The following HEG1 variants were observed in gnomAD, a reference collection of about 807,000 sequenced individuals.
HEG1 encodes the protein heart development protein with EGF like domains 1, also known as protein HEG homolog 1.
HEG1 carries 56 observed loss-of-function variants against 125.6 expected under a neutral mutation model. That is an observed-to-expected ratio of 0.45 (90% CI 0.36 to 0.56). HEG1 has a LOEUF of 0.56. HEG1 is among the 20% of genes least tolerant of loss of function. The probability of loss-of-function intolerance (pLI) is 0.00; values close to 1 mark genes in which losing one functional copy is unlikely to be tolerated. For synonymous variants in HEG1, 644 were observed against 668.5 expected, an observed-to-expected ratio of 0.96 and a Z score of 0.57; for missense variants, 1,523 against 1,670.0, an observed-to-expected ratio of 0.91 and a Z score of 1.53.
chr3:124,983,069 C>G (rs958224159), intron 14 of HEG1, among the ~76,000 whole-genome samples: 1 of 152,188 alleles, frequency 6.6e-6, no homozygotes, highest in African/African-American at 2.4e-5. Flanking sequence ...TCCTCGCTAC[C>G]CCCAGCTGCT....
In HEG1 at chr3:125,014,958, G is replaced by A. The variant is rs756071540; in HGVS notation, c.1589-968C>T. The A allele has an allele frequency of 1.9e-4, 241 of 1,284,400 alleles. 1 individual carries two copies. Among genetic ancestry groups the A allele is most frequent in the Non-Finnish European group, 5.9e-5 (58 of 985,736 alleles). 79.6% of individuals were successfully genotyped at this position (1,284,400 alleles called of 1,614,324 possible). On this transcript the variant is annotated intron_variant, in intron 5 of 16. Transcript: ENST00000311127. ...GGGCACCCCAGAAGTCCTGTCCTCT[G>A]CATTGGCGGAACTGTCACCTAGTGC...
chr3:125,053,154 A>C (rs1937851427), intron 1 of HEG1, among the ~76,000 whole-genome samples: 1 of 152,222 alleles, frequency 6.6e-6, no homozygotes, highest in Non-Finnish European at 1.5e-5. Context: ...ACCATCTGTC[A>C]GGGGTGCTGG....
At chr3:124,986,189 GA>G (rs1436841651) in intron 14 of HEG1, among the ~76,000 whole-genome samples, 1 of 152,196 alleles carries the variant, frequency 6.6e-6, no homozygotes, top group East Asian at 1.9e-4. Context: ...AAATCTACTG[GA>G]GTTGGATGAT....
At chr3:125,052,020 A>G (rs1167098586) in intron 1 of HEG1, among the ~76,000 whole-genome samples, 3 of 152,182 alleles carry the variant, frequency 2.0e-5, no homozygotes, top group East Asian at 1.9e-4. Flanking sequence ...CTGGCAAAAC[A>G]TAACAGTTCA....
At chr3:125,015,610 G>A (rs998633263) in intron 5 of HEG1, among the ~76,000 whole-genome samples, 2 of 152,128 alleles carry the variant, frequency 1.3e-5, no homozygotes, top group Non-Finnish European at 2.9e-5. Context: ...GAGGGCAGAC[G>A]ACACATGAAT....
chr3:125,017,865 A>T (rs946686088), intron 5 of HEG1, among the ~76,000 whole-genome samples: 1 of 123,402 alleles, frequency 8.1e-6, no homozygotes, highest in East Asian at 2.4e-4. Flanking sequence ...CTGAAAATAT[A>T]AAAAAAAAAA....
At chr3:125,050,132 C>T (rs1039520125) in intron 1 of HEG1, among the ~76,000 whole-genome samples, 1 of 147,482 alleles carries the variant, frequency 6.8e-6, no homozygotes, top group South Asian at 2.3e-4. Flanking sequence ...GCCATTCATC[C>T]ACCAACTCTC....
intron 14 of HEG1, among the ~76,000 whole-genome samples, chr3:124,983,428 C>T (rs901376975): frequency 4.6e-5 from 7 of 151,996 alleles, no homozygotes; most frequent in African/African-American, 1.5e-4. Flanking sequence ...CCTCACCCCC[C>T]AGCTCAAGTG....
Position 125,055,537 on chromosome 3 carries a change from CAG to C in HEG1, c.316+36_316+37del, listed in dbSNP as rs1480819976. ...CCGGGGCGCGCCCACGCCCCCAGCACAGACTGGCCAGGCGCCAGGTTCCCGGC... is the reference window on the plus strand; with the variant it reads ...CCGGGGCGCGCCCACGCCCCCAGCACACTGGCCAGGCGCCAGGTTCCCGGC... On this transcript the variant is annotated intron_variant, in intron 1 of 16. Coordinates refer to ENST00000311127, the MANE Select transcript of HEG1 (RefSeq NM_020733.2). 2.5e-6 allele frequency: 3 copies of C among 1,179,332 alleles called. No individual in the cohort carries two copies. The African/African-American group carries it at 4.8e-5, about 19-fold the overall frequency. 73.1% of individuals were successfully genotyped at this position (1,179,332 alleles called of 1,614,324 possible). A position where few individuals can be genotyped will look rare whatever the true frequency, so the allele number is the denominator to read the frequency against.
chr3:125,029,829 T>C (rs1414348026), intron 1 of HEG1, among the ~76,000 whole-genome samples: 1 of 152,074 alleles, frequency 6.6e-6, no homozygotes, highest in Admixed American at 6.6e-5. Context: ...GAGGCAGAGG[T>C]TGCGGTGAGC....
In HEG1 at chr3:124,966,826, G is replaced by C. The variant is rs1366125061; in HGVS notation, c.*3826C>G. On this transcript the variant is annotated 3_prime_UTR_variant, in exon 17 of 17. Transcript: ENST00000311127. ...TACAGGACACCCGGGCATCTCACCA[G>C]GGGGCAACACAGTTTCATGCAGGCA... The C allele has an allele frequency of 2.0e-5, 3 of 152,246 alleles. No individual in the cohort carries two copies. The highest frequency in any genetic ancestry group is 7.2e-5 in the African/African-American group (3 of 41,458). The allele number at this position is 152,246 out of a possible 1,614,324, so 9.4% of individuals were successfully genotyped here.
chr3:124,970,984 T>C (rs1936413374), intron 16 of HEG1, 183 bp from the exon 17 acceptor site: 1 of 638,072 alleles, frequency 1.6e-6, no homozygotes, highest in African/African-American at 1.8e-5. Flanking sequence ...CAACCCACTT[T>C]AATCCTTCCT....
intron 5 of HEG1, 82 bp from the exon 6 acceptor site, chr3:125,014,072 G>T: frequency 8.0e-7 from 1 of 1,249,494 alleles, no homozygotes; most frequent in Non-Finnish European, 1.1e-6. Context: ...GACTTTCAGT[G>T]TCATGAAACT....
In HEG1 at chr3:125,009,826, T is replaced by A. The variant is rs1156840711; in HGVS notation, c.3074-2A>T. The A allele has an allele frequency of 1.2e-6, 2 of 1,609,346 alleles. No individual in the cohort carries two copies. Among genetic ancestry groups the A allele is most frequent in the Non-Finnish European group, 1.7e-6 (2 of 1,177,068 alleles). On this transcript the variant is annotated splice_acceptor_variant, in intron 7 of 16. Transcript: ENST00000311127. LOFTEE classifies it high-confidence loss of function. Reference sequence around the variant, plus strand: ...GGTTCGACAGGCACTCATTCACATCTGTAGAGGAGAAAAAAGAAGAACATC... The same window carrying A: ...GGTTCGACAGGCACTCATTCACATCAGTAGAGGAGAAAAAAGAAGAACATC...
rs76701903 is a variant in HEG1 at position 124,999,080 on chromosome 3, C to T, written c.3518-1257G>A. 7.3e-3 allele frequency among the ~76,000 whole-genome samples: 1,111 copies of T among 152,284 alleles called. 10 individuals are homozygous for T. Among genetic ancestry groups the T allele is most frequent in the Non-Finnish European group, 0.013 (879 of 68,028 alleles). ...CAGGTTTTGGTGACATGAGCTGCCACCCCACATGGGGTTCCTGAAATCTGC... is the reference window on the plus strand; with the variant it reads ...CAGGTTTTGGTGACATGAGCTGCCATCCCACATGGGGTTCCTGAAATCTGC... On this transcript the variant is annotated intron_variant, in intron 11 of 16. Transcript: ENST00000311127.
At chr3:125,014,981 T>C in intron 5 of HEG1, 6 of 1,265,868 alleles carry the variant, frequency 4.7e-6, no homozygotes, top group Non-Finnish European at 6.2e-6. Flanking sequence ...TGTCACCTAG[T>C]GCTTGGCCTG....
At chr3:124,991,760 C>T (rs567180436) in intron 12 of HEG1, among the ~76,000 whole-genome samples, 1 of 152,210 alleles carries the variant, frequency 6.6e-6, no homozygotes, top group East Asian at 1.9e-4. Context: ...TACAGGGGCC[C>T]GCCACAAAGC....
At chr3:125,049,570 G>A (rs922309468) in intron 1 of HEG1, among the ~76,000 whole-genome samples, 5 of 152,190 alleles carry the variant, frequency 3.3e-5, no homozygotes, top group East Asian at 1.9e-4. Flanking sequence ...TACACTGAAC[G>A]GCTGAAACTG....
At chr3:124,984,684 G>A (rs566806982) in intron 14 of HEG1, among the ~76,000 whole-genome samples, 29 of 152,120 alleles carry the variant, frequency 1.9e-4, no homozygotes, top group Admixed American at 1.8e-3. Context: ...CCTTGAACCC[G>A]GGAGGCAGAG....
Sources: gnomAD v4.1 joint callset for allele counts (sites outside exome capture counted in the v4.1 genomes callset) on GRCh38, gnomAD v4.1.1 for gene constraint, MANE v1.5 for transcripts, NCBI Gene and HGNC (gene_info 2026-07-23, HGNC 2026-07-21) for gene names.